SUMF1: variants seen among roughly 807,000 people sequenced by gnomAD.
SUMF1 encodes sulfatase modifying factor 1.
Under a neutral mutation model 47.6 loss-of-function variants are expected in SUMF1, and 48 were observed. The observed-to-expected ratio is 1.01, with a 90% CI of 0.80 to 1.28. The LOEUF (loss-of-function observed/expected upper bound fraction) is 1.28. Among genes scored for constraint, SUMF1 ranks in the 50% most tolerant of loss-of-function variants. The pLI is 0.00. For synonymous variants in SUMF1, 230 were observed against 192.1 expected (o/e 1.20, Z -1.63); for missense variants, 571 against 485.4 (o/e 1.18, Z -1.66).
At position 4,273,070 on chromosome 3, in the gene SUMF1, A is replaced by G. The variant is rs564281827; in HGVS notation, c.1014+103260T>C. Among the ~76,000 whole-genome samples the G allele has an allele frequency of 3.3e-5, 5 of 150,248 alleles. 1 individual carries two copies. Among genetic ancestry groups the G allele is most frequent in the African/African-American group, 1.2e-4 (5 of 41,134 alleles). On this transcript the variant is annotated intron_variant and NMD_transcript_variant, in intron 8 of 12. Transcript: ENST00000448413. ...GTGAGGCTCTGTCTCCAAAATATAT[A>G]CATATATATAAATATATATACACAC...
intron 8 of SUMF1, among the ~76,000 whole-genome samples, chr3:4,118,565 CAAGTACTA>C (rs1693472061): frequency 6.6e-6 from 1 of 152,070 alleles, no homozygotes; most frequent in Non-Finnish European, 1.5e-5. Context: ...AAGTAGTTTT[CAAGTACTA>C]TTTATACTTA....
At chr3:4,111,335 A>C (rs1350072405) in intron 8 of SUMF1, among the ~76,000 whole-genome samples, 1 of 152,134 alleles carries the variant, frequency 6.6e-6, no homozygotes, top group African/African-American at 2.4e-5. Flanking sequence ...CATGTTGTTC[A>C]AGGGTAAACT....
At chr3:4,423,906 T>C (rs1701986924) in intron 3 of SUMF1, among the ~76,000 whole-genome samples, 1 of 152,112 alleles carries the variant, frequency 6.6e-6, no homozygotes, top group Admixed American at 6.6e-5. Context: ...AAGCGCCTGC[T>C]CCCACTTCGT....
At chr3:4,203,830 C>CAA (rs1695592703) in intron 8 of SUMF1, among the ~76,000 whole-genome samples, 1 of 151,650 alleles carries the variant, frequency 6.6e-6, no homozygotes, top group African/African-American at 2.4e-5. Flanking sequence ...AAATTGATAA[C>CAA]AACATTGATT....
Position 4,395,227 on chromosome 3 carries a change from AC to A in SUMF1, c.954+15637del. ...ACTGTGGCACCTGCAGGCTTATCTCACCCCCGTGCCTAACCAGATAGAGTAT... is the reference window on the plus strand; with the variant it reads ...ACTGTGGCACCTGCAGGCTTATCTCACCCCGTGCCTAACCAGATAGAGTAT... On this transcript the variant is annotated intron_variant, in intron 7 of 8. Transcript: ENST00000272902. Among the ~76,000 whole-genome samples the A allele has an allele frequency of 1.3e-5, 2 of 152,226 alleles. 1 individual carries two copies. The highest frequency in any genetic ancestry group is 3.9e-4 in the East Asian group (2 of 5,180).
chr3:4,218,602 C>G lies in SUMF1; in HGVS notation c.1015-149857G>C, dbSNP rs532281815. Reference sequence around the variant, plus strand: ...TGTGGGCATTCAGCGCAGAGCAAATCTGGATCTGCGTGAATGCCTGCTGCT... The same window carrying G: ...TGTGGGCATTCAGCGCAGAGCAAATGTGGATCTGCGTGAATGCCTGCTGCT... On this transcript the variant is annotated intron_variant and NMD_transcript_variant, in intron 8 of 12. Transcript: ENST00000448413. Among the ~76,000 whole-genome samples the G allele has an allele frequency of 2.2e-4, 33 of 152,236 alleles. 1 individual carries two copies. In the South Asian group the frequency reaches 6.8e-3, roughly 32 times the overall value.
intron 8 of SUMF1, among the ~76,000 whole-genome samples, chr3:4,290,290 T>C (rs1235429826): frequency 2.0e-5 from 3 of 148,198 alleles, no homozygotes; most frequent in African/African-American, 8.0e-5. Flanking sequence ...TAAATGTGAG[T>C]CTAAACAAAT....
At chr3:4,275,885 T>C (rs1697403914) in intron 8 of SUMF1, among the ~76,000 whole-genome samples, 1 of 152,136 alleles carries the variant, frequency 6.6e-6, no homozygotes, top group Non-Finnish European at 1.5e-5. Flanking sequence ...CAGAAAATAA[T>C]CATATTGGCC....
intron 8 of SUMF1, among the ~76,000 whole-genome samples, chr3:4,137,312 G>A (rs891427917): frequency 3.9e-5 from 6 of 152,060 alleles, no homozygotes; most frequent in South Asian, 2.1e-4. Context: ...ATGAGTTCAC[G>A]TCCTTTGTAG....
intron 7 of SUMF1, among the ~76,000 whole-genome samples, chr3:4,408,314 A>C (rs1298168505): frequency 6.6e-6 from 1 of 152,250 alleles, no homozygotes; most frequent in Admixed American, 6.5e-5. Flanking sequence ...GATGAGAAGA[A>C]CAGTTTTTGT....
At chr3:4,454,971 G>A (rs1292399609) in intron 1 of SUMF1, among the ~76,000 whole-genome samples, 2 of 152,192 alleles carry the variant, frequency 1.3e-5, no homozygotes, top group African/African-American at 2.4e-5. Flanking sequence ...TTCTTGAGAT[G>A]ATGAAGTATT....
intron 8 of SUMF1, among the ~76,000 whole-genome samples, chr3:4,161,483 T>G (rs1433942087): frequency 6.6e-6 from 1 of 152,140 alleles, no homozygotes; most frequent in African/African-American, 2.4e-5. Flanking sequence ...GGTGCTCTAT[T>G]CTACCAACTG....
chr3:4,264,494 C>CA (rs1367038990), intron 8 of SUMF1, among the ~76,000 whole-genome samples: 1 of 152,198 alleles, frequency 6.6e-6, no homozygotes, highest in Non-Finnish European at 1.5e-5. Context: ...TAATTCTCAG[C>CA]ATCAGAACAC....
At chr3:4,457,094 ATT>A (rs1294538155) in intron 1 of SUMF1, among the ~76,000 whole-genome samples, 1 of 137,506 alleles carries the variant, frequency 7.3e-6, no homozygotes, top group South Asian at 2.2e-4. Context: ...ATATATATAT[ATT>A]TTTTTTGTTT....
intron 8 of SUMF1, among the ~76,000 whole-genome samples, chr3:4,098,952 A>G (rs1021184070): frequency 6.6e-6 from 1 of 152,136 alleles, no homozygotes; most frequent in African/African-American, 2.4e-5. Context: ...TTCACTTCAC[A>G]TCTGATGTGC....
intron 8 of SUMF1, among the ~76,000 whole-genome samples, chr3:4,318,193 C>CA (rs566619474): frequency 2.0e-3 from 273 of 137,156 alleles, no homozygotes; most frequent in Non-Finnish European, 2.7e-3. Flanking sequence ...AATACAGAGG[C>CA]AAAAAAAAAA....
At chr3:4,307,735 C>T (rs1215257673) in intron 8 of SUMF1, among the ~76,000 whole-genome samples, 1 of 152,134 alleles carries the variant, frequency 6.6e-6, no homozygotes, top group Non-Finnish European at 1.5e-5. Context: ...TGTAACAATG[C>T]AGGAAATTTA....
intron 8 of SUMF1, among the ~76,000 whole-genome samples, chr3:4,228,568 A>G (rs995434723): frequency 6.6e-5 from 10 of 152,116 alleles, no homozygotes; most frequent in African/African-American, 2.4e-4. Flanking sequence ...GCTCTGCTTC[A>G]CTGCTTCCCT....
intron 8 of SUMF1, among the ~76,000 whole-genome samples, chr3:4,089,420 A>T (rs1692737726): frequency 1.3e-5 from 2 of 152,266 alleles, no homozygotes; most frequent in South Asian, 4.1e-4. Context: ...TTGCTCTATT[A>T]GAGAAATGTG....
Sources: gnomAD v4.1 joint callset for allele counts (sites outside exome capture counted in the v4.1 genomes callset) on GRCh38, gnomAD v4.1.1 for gene constraint, MANE v1.5 for transcripts, NCBI Gene and HGNC (gene_info 2026-07-23, HGNC 2026-07-21) for gene names.